Variants in PPP1R37 observed in about 807,000 individuals in gnomAD.
The protein encoded by PPP1R37 is protein phosphatase 1 regulatory subunit 37.
In PPP1R37, 21 loss-of-function variants were observed where a neutral mutation model predicts 61.0. That is an observed-to-expected ratio of 0.34 (90% CI 0.24 to 0.50). PPP1R37 has a LOEUF of 0.50. Ranked by LOEUF, PPP1R37 falls within the 20% of genes least tolerant of loss-of-function variation. The probability of loss-of-function intolerance (pLI) is 0.98; values close to 1 mark genes in which losing one functional copy is unlikely to be tolerated. For missense variants in PPP1R37, 910 were observed against 952.7 expected (o/e 0.96, Z 0.59); for synonymous variants, 443 against 433.5 (o/e 1.02, Z -0.27).
intron 1 of PPP1R37, among the ~76,000 whole-genome samples, chr19:45,116,823 G>A (rs1968273537): frequency 6.6e-6 from 1 of 152,122 alleles, no homozygotes; most frequent in South Asian, 2.1e-4. Context: ...CAGTGAGGAG[G>A]CAGAGTGTTG....
Position 45,145,824 on chromosome 19 carries a change from C to T in PPP1R37, c.1768C>T (p.Pro590Ser). 3 of 1,307,306 alleles carry T rather than the reference C, an allele frequency of 2.3e-6. No individual in the cohort carries two copies. The highest frequency in any genetic ancestry group is 2.5e-5 in the East Asian group (1 of 39,372). The allele number at this position is 1,307,306 out of a possible 1,614,324, so 81.0% of individuals were successfully genotyped here. Residue 590 changes from proline (P) to serine (S), a missense_variant, in exon 11 of 13, where the codon CCC (proline) becomes TCC (serine). This residue lies in a region of PPP1R37 where 549 missense variants were observed against 505.1 expected (regional missense o/e 1.09). Coordinates refer to ENST00000221462, the MANE Select transcript of PPP1R37 (RefSeq NM_019121.2). The stretch of plus-strand genomic sequence containing the variant: ...AGAGCCCCCTGCGTCCCCCACCCCT[C>T]CCTCTCCCCCACCCCCTCCCTCCCC... ...RAEPPASPTPPSPPPPPSPPA... is the reference protein window; with the variant it reads ...RAEPPASPTPSSPPPPPSPPA...
rs1040814449 is a variant in PPP1R37, at chr19:45,121,831, T to C, written c.203-16683T>C. Among the ~76,000 whole-genome samples the C allele has an allele frequency of 6.6e-6, 1 of 152,188 alleles. No individual in the cohort carries two copies. The highest frequency in any genetic ancestry group is 2.4e-5 in the African/African-American group (1 of 41,452). On this transcript the variant is annotated intron_variant, in intron 1 of 12. Transcript: ENST00000221462. This position sits in a 1 kb window ranked among gnomAD's most constrained non-coding sequence, Gnocchi z 4.2. ...TCAGTAAAGATACTCCCCTGAGAAATACCTGCCCTTGGGAAGCCCACTGCA... is the reference window on the plus strand; with the variant it reads ...TCAGTAAAGATACTCCCCTGAGAAACACCTGCCCTTGGGAAGCCCACTGCA...
In PPP1R37 at chr19:45,114,499, G is replaced by A. The variant is rs541482760; in HGVS notation, c.202+20972G>A. ...TTAGCTAGGACCCCACATCCTCCCT[G>A]TCAAATGGGCGATAGAGGGCCAGCC... On this transcript the variant is annotated intron_variant, in intron 1 of 12. Transcript: ENST00000221462. 3.5e-3 allele frequency among the ~76,000 whole-genome samples: 540 copies of A among 152,344 alleles called. 4 individuals are homozygous for A. Among genetic ancestry groups the A allele is most frequent in the African/African-American group, 0.012 (518 of 41,582 alleles).
intron 5 of PPP1R37, among the ~76,000 whole-genome samples, 152 bp from the exon 6 acceptor site, chr19:45,141,909 C>T (rs555691011): frequency 2.6e-5 from 4 of 152,306 alleles, no homozygotes; most frequent in East Asian, 1.9e-4. Context: ...TAAAACAAGG[C>T]GACATAGCCA....
At chr19:45,118,147 C>T (rs1968294307) in intron 1 of PPP1R37, among the ~76,000 whole-genome samples, 6 of 152,250 alleles carry the variant, frequency 3.9e-5, no homozygotes, top group Admixed American at 3.9e-4. Context: ...CTGCAGCCCT[C>T]CCCTCAGGCT....
In PPP1R37 at chr19:45,146,736, G is replaced by A; in HGVS notation, c.*174G>A. On this transcript the variant is annotated 3_prime_UTR_variant, in exon 13 of 13. Transcript: ENST00000221462. ...AAGGGGTGCAGGAGCTACAGGGAGT[G>A]GCCCTCCGCGCGTGACTCAAGCACT... The A allele has an allele frequency of 2.2e-6, 1 of 446,430 alleles. No individual in the cohort carries two copies. Among genetic ancestry groups the A allele is most frequent in the South Asian group, 2.3e-5 (1 of 44,444 alleles). The allele number at this position is 446,430 out of a possible 1,614,324, so 27.7% of individuals were successfully genotyped here. A position where few individuals can be genotyped will look rare whatever the true frequency, so the allele number is the denominator to read the frequency against.
At chr19:45,139,857 C>T (rs1189056205) in intron 2 of PPP1R37, among the ~76,000 whole-genome samples, 1 of 152,264 alleles carries the variant, frequency 6.6e-6, no homozygotes, top group Non-Finnish European at 1.5e-5. Context: ...CAAGAAGCCT[C>T]CTGTGCCCAG....
At chr19:45,112,201 C>T (rs987798915) in intron 1 of PPP1R37, among the ~76,000 whole-genome samples, 16 of 152,142 alleles carry the variant, frequency 1.1e-4, no homozygotes, top group Non-Finnish European at 2.1e-4. Context: ...CTTGGAACTC[C>T]TGACCTCAAG....
rs11312138 is a variant in PPP1R37 at position 45,120,014 on chromosome 19, C to CTTT, written c.203-18481_203-18479dup. Among the ~76,000 whole-genome samples the CTTT allele has an allele frequency of 1.0e-3, 86 of 83,548 alleles. 2 individuals carry two copies. The highest frequency in any genetic ancestry group is 1.5e-3 in the Non-Finnish European group (61 of 41,760). The allele number at this position is 83,548 out of a possible 152,430, so 54.8% of individuals were successfully genotyped here. ...AGCACAGATTTTTTATTTTCCCCTT[C>CTTT]TTTTTTTTTTTTTTTTTTTTTGAGA... is the stretch of plus-strand genomic sequence containing the variant. On this transcript the variant is annotated intron_variant, in intron 1 of 12. Transcript: ENST00000221462.
rs548745415 is a variant in PPP1R37 at position 45,120,103 on chromosome 19, C to T, written c.203-18411C>T. On this transcript the variant is annotated intron_variant, in intron 1 of 12. Transcript: ENST00000221462. ...CGCGATCTCCGCTCACTGCAAGCTC[C>T]TCCTCCCAGGTTCACGCCATTCTCC... Among the ~76,000 whole-genome samples, 166 of 147,446 alleles carry T rather than the reference C, an allele frequency of 1.1e-3. 2 individuals carry two copies. The South Asian group carries it at 0.014, about 12-fold the overall frequency.
At chr19:45,110,200 A>G (rs1346161453) in intron 1 of PPP1R37, among the ~76,000 whole-genome samples, 2 of 148,050 alleles carry the variant, frequency 1.4e-5, no homozygotes, top group Non-Finnish European at 3.0e-5. Flanking sequence ...ACTGCAGTCT[A>G]GATCTCCTGG....
chr19:45,146,354 C>T (rs1468975412), intron 11 of PPP1R37, 36 bp from the exon 12 acceptor site: 12 of 1,526,064 alleles, frequency 7.9e-6, no homozygotes, highest in East Asian at 2.5e-5. Context: ...TTGCCCCACC[C>T]GCCTGACGGG....
At chr19:45,117,257 G>A (rs866359733) in intron 1 of PPP1R37, among the ~76,000 whole-genome samples, 29 of 152,078 alleles carry the variant, frequency 1.9e-4, no homozygotes, top group Admixed American at 2.6e-4. Flanking sequence ...AGTCAGCTGC[G>A]GCTTAAGCTG....
At chr19:45,129,356 G>A (rs532883531) in intron 1 of PPP1R37, among the ~76,000 whole-genome samples, 5 of 152,186 alleles carry the variant, frequency 3.3e-5, no homozygotes, top group African/African-American at 7.2e-5. Context: ...TGGAGTGCAC[G>A]GGGCACCATC....
chr19:45,140,768 A>G, intron 4 of PPP1R37, 162 bp downstream of exon 4: 2 of 611,050 alleles, frequency 3.3e-6, no homozygotes, highest in South Asian at 1.9e-5. Context: ...GACATCCAAT[A>G]TGACCAGAGT....
chr19:45,126,295 G>T (rs1270192528), intron 1 of PPP1R37, among the ~76,000 whole-genome samples: 1 of 152,232 alleles, frequency 6.6e-6, no homozygotes, highest in Non-Finnish European at 1.5e-5. Flanking sequence ...GTTCTGGAGG[G>T]CAGGGACAGG....
intron 7 of PPP1R37, chr19:45,142,888 A>G (rs977042674): frequency 6.2e-5 from 12 of 193,898 alleles, no homozygotes; most frequent in African/African-American, 2.6e-4. Context: ...CAGCCTTGTG[A>G]GAAGCCTGGG....
At chr19:45,097,784 AG>A (rs1568438387) in intron 1 of PPP1R37, among the ~76,000 whole-genome samples, 1 of 151,966 alleles carries the variant, frequency 6.6e-6, no homozygotes, top group Non-Finnish European at 1.5e-5. Flanking sequence ...ATGGGAGAGC[AG>A]AGGCCGAAGT....
intron 1 of PPP1R37, among the ~76,000 whole-genome samples, chr19:45,135,798 TGGAAATGGAG>T (rs1968532448): frequency 1.4e-5 from 2 of 145,108 alleles, no homozygotes; most frequent in African/African-American, 5.1e-5. Context: ...TTTTTTTTTT[TGGAAATGGAG>T]TTTGGCTCTT....
Sources: allele counts gnomAD v4.1 joint callset (sites outside exome capture counted in the v4.1 genomes callset), GRCh38; gene constraint gnomAD v4.1.1; regional missense constraint gnomAD v4.1.1; non-coding constraint Gnocchi (gnomAD v3.1); transcripts MANE v1.5; gene names NCBI Gene and HGNC (gene_info 2026-07-23, HGNC 2026-07-21).